The following PGPEP1L variants were observed in gnomAD, a reference collection of about 807,000 sequenced individuals.
PGPEP1L encodes pyroglutamyl-peptidase I like, also known as pyroglutamyl-peptidase 1-like protein.
In PGPEP1L, 7 loss-of-function variants were observed where a neutral mutation model predicts 6.0. The observed-to-expected ratio is 1.17, with a 90% CI of 0.66 to 2.19. The LOEUF (loss-of-function observed/expected upper bound fraction) is 2.19, where lower values mean the gene tolerates loss of function less well. Among genes scored for constraint, PGPEP1L ranks in the 30% most tolerant of loss-of-function variants. The probability of loss-of-function intolerance (pLI) is 0.00; values close to 1 mark genes in which losing one functional copy is unlikely to be tolerated. For missense variants in PGPEP1L, 209 were observed against 192.5 expected, an observed-to-expected ratio of 1.09 and a Z score of -0.51; for synonymous variants, 103 against 83.9, an observed-to-expected ratio of 1.23 and a Z score of -1.24.
At chr15:98,988,200 G>C (rs558424538) in intron 2 of PGPEP1L, among the ~76,000 whole-genome samples, 1 of 152,082 alleles carries the variant, frequency 6.6e-6, no homozygotes, top group Non-Finnish European at 1.5e-5. Flanking sequence ...TGACTCAGTG[G>C]GTCCCACTCC....
chr15:99,004,941 C>G (rs1276095732), intron 2 of PGPEP1L, among the ~76,000 whole-genome samples: 3 of 151,762 alleles, frequency 2.0e-5, no homozygotes, highest in Admixed American at 6.6e-5. Context: ...AATGGAAGTT[C>G]TTACTCTGGA....
At chr15:98,982,700 CTTTTTTTTTTTTTTTTTTTTTTTT>C (rs369749842) in intron 2 of PGPEP1L, among the ~76,000 whole-genome samples, 2 of 52,458 alleles carry the variant, frequency 3.8e-5, no homozygotes, top group African/African-American at 1.0e-4. Flanking sequence ...TTATCTGAGG[CTTTTTTTTTTTTTTTTTTTTTTTT>C]TTTTGAGACA....
intron 2 of PGPEP1L, among the ~76,000 whole-genome samples, chr15:98,985,034 C>T (rs1268768397): frequency 1.3e-5 from 2 of 152,070 alleles, no homozygotes; most frequent in South Asian, 2.1e-4. Flanking sequence ...ACCACGCACA[C>T]GGCCCTATGG....
chr15:98,977,302 TAAGA>T (rs1345748713), intron 2 of PGPEP1L, among the ~76,000 whole-genome samples: 4 of 152,226 alleles, frequency 2.6e-5, no homozygotes, highest in East Asian at 1.9e-4. Context: ...GTTAGTTTCT[TAAGA>T]TAGAAATCAA....
At chr15:99,002,611 A>G (rs2017989634) in intron 2 of PGPEP1L, among the ~76,000 whole-genome samples, 1 of 151,790 alleles carries the variant, frequency 6.6e-6, no homozygotes, top group South Asian at 2.1e-4. Context: ...GGTACAGGGA[A>G]CCTCTGTACA....
intron 2 of PGPEP1L, among the ~76,000 whole-genome samples, chr15:99,002,374 G>A (rs1427211921): frequency 6.6e-6 from 1 of 152,148 alleles, no homozygotes; most frequent in African/African-American, 2.4e-5. Context: ...GAGATGGGAG[G>A]AAGCGGGTGG....
chr15:98,993,576 AAATC>A (rs2017846457), intron 2 of PGPEP1L, among the ~76,000 whole-genome samples: 1 of 151,726 alleles, frequency 6.6e-6, no homozygotes, highest in Non-Finnish European at 1.5e-5. Context: ...CAGATACAGA[AAATC>A]AAACACTGCA....
chr15:98,993,528 G>A (rs1178381945), intron 2 of PGPEP1L, among the ~76,000 whole-genome samples: 1 of 152,006 alleles, frequency 6.6e-6, no homozygotes, highest in Non-Finnish European at 1.5e-5. Context: ...CAATTATACA[G>A]TGTAGCGATT....
chr15:98,981,881 G>C (rs984542010), intron 2 of PGPEP1L, among the ~76,000 whole-genome samples: 1 of 152,170 alleles, frequency 6.6e-6, no homozygotes, highest in Non-Finnish European at 1.5e-5. Context: ...GCTCTGTTTA[G>C]CACCCTGGAA....
intron 2 of PGPEP1L, among the ~76,000 whole-genome samples, chr15:98,981,519 A>C (rs2017662869): frequency 7.0e-6 from 1 of 142,114 alleles, no homozygotes; most frequent in African/African-American, 2.9e-5. Flanking sequence ...AAAACAAAAC[A>C]AAAACAACAA....
intron 2 of PGPEP1L, among the ~76,000 whole-genome samples, chr15:98,996,738 C>T (rs533700276): frequency 6.7e-4 from 102 of 152,224 alleles, no homozygotes; most frequent in Non-Finnish European, 1.2e-3. Flanking sequence ...CCTTTACCTT[C>T]TGCTTGCCCA....
intron 2 of PGPEP1L, among the ~76,000 whole-genome samples, chr15:98,988,801 G>T (rs1555471758): frequency 6.6e-6 from 1 of 152,210 alleles, no homozygotes; most frequent in Non-Finnish European, 1.5e-5. Context: ...AATCTTTGCT[G>T]TCCTGCAGCC....
chr15:98,981,965 G>T (rs2017670730), intron 2 of PGPEP1L, among the ~76,000 whole-genome samples: 1 of 152,186 alleles, frequency 6.6e-6, no homozygotes, highest in South Asian at 2.1e-4. Flanking sequence ...CGGGAAAAAT[G>T]TGGGGGTCAT....
intron 2 of PGPEP1L, among the ~76,000 whole-genome samples, chr15:98,999,595 C>G (rs1465839672): frequency 1.3e-5 from 2 of 152,116 alleles, no homozygotes; most frequent in Non-Finnish European, 2.9e-5. Flanking sequence ...GAAATGAAAA[C>G]TTATTTTCAT....
chr15:99,002,654 TAA>T lies in PGPEP1L; in HGVS notation c.-142+2773_-142+2774del, dbSNP rs577692475. The stretch of plus-strand genomic sequence containing the variant: ...GCAAATTCCTATATTTATTTCAAAA[TAA>T]AAAGTTTTAAAAAGTGTGTGGCCTC... On this transcript the variant is annotated intron_variant, in intron 2 of 4. Transcript: ENST00000535714. Among the ~76,000 whole-genome samples, 36 of 150,888 alleles carry T rather than the reference TAA, an allele frequency of 2.4e-4. No homozygotes were observed. In the South Asian group the frequency reaches 6.7e-3, roughly 28 times the overall value.
intron 4 of PGPEP1L, 77 bp from the exon 5 acceptor site, chr15:98,968,774 G>A: frequency 7.4e-7 from 1 of 1,348,630 alleles, no homozygotes. Flanking sequence ...AAGTGGCAAT[G>A]CAACACCCAC....
chr15:98,970,484 T>C (rs1327131390), intron 3 of PGPEP1L, among the ~76,000 whole-genome samples: 2 of 151,386 alleles, frequency 1.3e-5, no homozygotes, highest in Non-Finnish European at 2.9e-5. Context: ...ATCTGGGGCA[T>C]TGTCTGAATG....
intron 2 of PGPEP1L, among the ~76,000 whole-genome samples, chr15:98,991,637 C>T (rs1273441006): frequency 6.6e-6 from 1 of 152,122 alleles, no homozygotes; most frequent in Non-Finnish European, 1.5e-5. Flanking sequence ...AAAAACCTGG[C>T]AGACAAACAA....
At position 98,971,150 on chromosome 15, in the gene PGPEP1L, G is replaced by T. The variant is rs748597267; in HGVS notation, c.-133C>A. On this transcript the variant is annotated 5_prime_UTR_variant, in exon 3 of 5. Coordinates refer to ENST00000535714, the MANE Select transcript of PGPEP1L (RefSeq NM_001167902.2). ...CTGTTTCATTCCCCAGGCCCAGCTTGGAGAGCTCCTGAGGAAAGCGGCAGG... is the reference window on the plus strand; with the variant it reads ...CTGTTTCATTCCCCAGGCCCAGCTTTGAGAGCTCCTGAGGAAAGCGGCAGG... The T allele has an allele frequency of 1.3e-6, 2 of 1,508,922 alleles. No homozygotes were observed. Among genetic ancestry groups the T allele is most frequent in the Non-Finnish European group, 1.8e-6 (2 of 1,115,100 alleles). 93.5% of individuals were successfully genotyped at this position (1,508,922 alleles called of 1,614,324 possible).
Sources: allele counts gnomAD v4.1 joint callset (sites outside exome capture counted in the v4.1 genomes callset), GRCh38; gene constraint gnomAD v4.1.1; transcripts MANE v1.5; gene names NCBI Gene and HGNC (gene_info 2026-07-23, HGNC 2026-07-21).